SRD5A3: variants seen among roughly 807,000 people sequenced by gnomAD.
SRD5A3 encodes polyprenal reductase.
SRD5A3 carries 24 observed loss-of-function variants against 34.3 expected under a neutral mutation model. The observed-to-expected ratio is 0.70, with a 90% confidence interval of 0.51 to 0.99. The LOEUF is 0.99. Ranked by LOEUF, SRD5A3 falls within the 50% of genes least tolerant of loss-of-function variation. The probability of loss-of-function intolerance (pLI) is 0.00; values close to 1 mark genes in which losing one functional copy is unlikely to be tolerated. For synonymous variants in SRD5A3, 161 were observed against 167.3 expected (o/e 0.96, Z 0.29); for missense variants, 350 against 388.2 (o/e 0.90, Z 0.83).
intron 4 of SRD5A3, 55 bp downstream of exon 4, chr4:55,367,777 C>T (rs878937739): frequency 6.2e-7 from 1 of 1,607,828 alleles, no homozygotes; most frequent in Non-Finnish European, 8.5e-7. Flanking sequence ...GAAGTTAGTT[C>T]TCCATGGTCC....
chr4:55,368,040 G>A (rs1201309833), intron 4 of SRD5A3, among the ~76,000 whole-genome samples: 1 of 152,126 alleles, frequency 6.6e-6, no homozygotes, highest in Non-Finnish European at 1.5e-5. Context: ...AGCTTGTGTT[G>A]ACTTATCACA....
chr4:55,356,168 C>G (rs1719453566), intron 1 of SRD5A3, among the ~76,000 whole-genome samples: 1 of 151,806 alleles, frequency 6.6e-6, no homozygotes. Context: ...GCCAGCATGC[C>G]TGGCTAATTT....
chr4:55,352,353 A>C, intron 1 of SRD5A3: 1 of 791,002 alleles, frequency 1.3e-6, no homozygotes, highest in South Asian at 1.3e-5. Context: ...CTGATCCCTG[A>C]GACTAAGCAT....
chr4:55,350,429 C>CT (rs1471762755), intron 1 of SRD5A3, among the ~76,000 whole-genome samples: 1 of 152,074 alleles, frequency 6.6e-6, no homozygotes, highest in African/African-American at 2.4e-5. Flanking sequence ...AGTTGCATTA[C>CT]TTGTATGTCA....
At chr4:55,350,195 C>A (rs1719135299) in intron 1 of SRD5A3, among the ~76,000 whole-genome samples, 1 of 151,968 alleles carries the variant, frequency 6.6e-6, no homozygotes, top group Admixed American at 6.6e-5. Context: ...AATGGTGAAA[C>A]CCCATCTCTA....
intron 1 of SRD5A3, among the ~76,000 whole-genome samples, chr4:55,348,426 TA>T (rs751351692): frequency 1.3e-5 from 2 of 152,344 alleles, no homozygotes; most frequent in Non-Finnish European, 2.9e-5. Flanking sequence ...TACCCCTGTT[TA>T]TATGAAATAG....
intron 1 of SRD5A3, 35 bp from the exon 2 acceptor site, chr4:55,359,311 C>A: frequency 6.2e-7 from 1 of 1,612,896 alleles, no homozygotes; most frequent in Non-Finnish European, 8.5e-7. Flanking sequence ...AGTGGATCTA[C>A]CCTAATTATT....
At chr4:55,369,029 G>A (rs1367841180) in intron 4 of SRD5A3, among the ~76,000 whole-genome samples, 13 of 152,132 alleles carry the variant, frequency 8.5e-5, no homozygotes, top group Non-Finnish European at 1.5e-4. Context: ...ATAAGCTACC[G>A]CGCCCAGCCA....
rs1719814115 is a variant in SRD5A3 at position 55,364,678 on chromosome 4, T to C, written c.562+407T>C. On this transcript the variant is annotated intron_variant, in intron 3 of 4. Coordinates refer to ENST00000264228, the MANE Select transcript of SRD5A3 (RefSeq NM_024592.5). ...TTGCAGTGAGCCGAGATCGCGCTAC[T>C]GCACTCCAGCCTGGGCAACAGAGCG... 4 of 248,032 alleles carry C rather than the reference T, an allele frequency of 1.6e-5. No homozygotes were observed. In the South Asian group the frequency reaches 2.1e-4, roughly 13 times the overall value. 15.4% of individuals were successfully genotyped at this position (248,032 alleles called of 1,614,324 possible).
intron 4 of SRD5A3, among the ~76,000 whole-genome samples, chr4:55,368,969 C>A (rs950221464): frequency 1.3e-5 from 2 of 152,092 alleles, no homozygotes; most frequent in Non-Finnish European, 2.9e-5. Context: ...GAACTCCTGA[C>A]CTCAGGTGAT....
rs74464816 is a variant in SRD5A3, at chr4:55,371,436, G to A, written c.*1345G>A. The A allele has an allele frequency of 3.3e-5, 5 of 152,302 alleles. No homozygotes were observed. Among genetic ancestry groups the A allele is most frequent in the Middle Eastern group, 3.4e-3 (1 of 294 alleles). 9.4% of individuals were successfully genotyped at this position (152,302 alleles called of 1,614,324 possible). A position where few individuals can be genotyped will look rare whatever the true frequency, so the allele number is the denominator to read the frequency against. The stretch of plus-strand genomic sequence containing the variant: ...CATTAAAACTGCACACTTGTGCAGC[G>A]TAAGATTCTCTGGCTTATTGGCTGA... On this transcript the variant is annotated 3_prime_UTR_variant, in exon 5 of 5. Coordinates refer to ENST00000264228, the MANE Select transcript of SRD5A3 (RefSeq NM_024592.5).
chr4:55,363,427 C>T (rs556775243), intron 2 of SRD5A3, among the ~76,000 whole-genome samples: 1 of 151,984 alleles, frequency 6.6e-6, no homozygotes, highest in African/African-American at 2.4e-5. Flanking sequence ...GAGCAAGACC[C>T]TGTCTCAAAA....
intron 1 of SRD5A3, among the ~76,000 whole-genome samples, chr4:55,354,287 G>C (rs1330644268): frequency 6.6e-6 from 1 of 152,130 alleles, no homozygotes; most frequent in Non-Finnish European, 1.5e-5. Flanking sequence ...TAGTAGAGAT[G>C]GGGTTTTACC....
At chr4:55,369,785 C>A in intron 4 of SRD5A3, 47 bp from the exon 5 acceptor site, 2 of 1,600,698 alleles carry the variant, frequency 1.2e-6, no homozygotes, top group Non-Finnish European at 1.7e-6. Flanking sequence ...GTGAAACTTT[C>A]TTTTCAAACC....
intron 1 of SRD5A3, among the ~76,000 whole-genome samples, chr4:55,355,826 C>T (rs1220956769): frequency 2.0e-5 from 3 of 152,076 alleles, no homozygotes; most frequent in African/African-American, 7.2e-5. Flanking sequence ...CAAAGATAAC[C>T]ACATAAGCTT....
intron 1 of SRD5A3, among the ~76,000 whole-genome samples, chr4:55,353,399 G>C (rs1413858412): frequency 6.6e-6 from 1 of 152,180 alleles, no homozygotes; most frequent in Non-Finnish European, 1.5e-5. Context: ...TCAGCACTTG[G>C]TAAAAACGGA....
chr4:55,357,199 G>C (rs1439061752), intron 1 of SRD5A3, among the ~76,000 whole-genome samples: 1 of 152,116 alleles, frequency 6.6e-6, no homozygotes, highest in African/African-American at 2.4e-5. Flanking sequence ...TTTAGTTGTT[G>C]ACCGTCTGAC....
rs1474578665 is a variant in SRD5A3 at position 55,361,653 on chromosome 4, A to G, written c.364+2165A>G. Among the ~76,000 whole-genome samples, 5 of 151,980 alleles carry G rather than the reference A, an allele frequency of 3.3e-5. No individual in the cohort carries two copies. In the East Asian group the frequency reaches 9.7e-4, roughly 29 times the overall value. ...CCCCGTCTCTACTAAAAATACAAAA[A>G]ATTAGCGGGACGTGGTGGCGCGTGC... On this transcript the variant is annotated intron_variant, in intron 2 of 4. Coordinates refer to ENST00000264228, the MANE Select transcript of SRD5A3 (RefSeq NM_024592.5).
intron 4 of SRD5A3, among the ~76,000 whole-genome samples, chr4:55,368,671 C>T (rs911540857): frequency 2.0e-5 from 3 of 151,874 alleles, no homozygotes; most frequent in East Asian, 2.0e-4. Context: ...GGTGATCCAC[C>T]CACCTCGGCC....
Sources: gnomAD v4.1 joint callset for allele counts (sites outside exome capture counted in the v4.1 genomes callset) on GRCh38, gnomAD v4.1.1 for gene constraint, MANE v1.5 for transcripts, NCBI Gene and HGNC (gene_info 2026-07-23, HGNC 2026-07-21) for gene names.